Variants in HDAC9 observed in about 807,000 individuals in gnomAD.
HDAC9 encodes the protein MEF-2 interacting transcription repressor (MITR) protein.
HDAC9 carries 41 observed loss-of-function variants against 139.4 expected under a neutral mutation model. That is an observed-to-expected ratio of 0.29 (90% confidence interval 0.23 to 0.38). The LOEUF (loss-of-function observed/expected upper bound fraction) is 0.38. Ranked by LOEUF, HDAC9 falls within the 10% of genes least tolerant of loss-of-function variation. HDAC9 has a pLI of 1.00. For missense variants in HDAC9, 1,147 were observed against 1,297.0 expected, an observed-to-expected ratio of 0.88 and a Z score of 1.78; for synonymous variants, 517 against 476.2, an observed-to-expected ratio of 1.09 and a Z score of -1.12.
At chr7:18,555,303 C>T (rs143529423) in intron 2 of HDAC9, among the ~76,000 whole-genome samples, 1 of 152,104 alleles carries the variant, frequency 6.6e-6, no homozygotes, top group Non-Finnish European at 1.5e-5. Flanking sequence ...ATAGAAAAAG[C>T]CTGATACTCA....
intron 14 of HDAC9, among the ~76,000 whole-genome samples, chr7:18,759,201 G>A (rs1236474282): frequency 6.6e-6 from 1 of 152,068 alleles, no homozygotes; most frequent in South Asian, 2.1e-4. Context: ...CGATTCAGCA[G>A]GTTTCTTCTT....
chr7:18,909,219 A>G (rs114936877), intron 22 of HDAC9, among the ~76,000 whole-genome samples: 248 of 152,040 alleles, frequency 1.6e-3, no homozygotes, highest in African/African-American at 5.9e-3. Flanking sequence ...ATTCTGATCA[A>G]TTGTCCATTT....
At chr7:18,761,772 G>A (rs1203897941) in intron 14 of HDAC9, among the ~76,000 whole-genome samples, 2 of 152,180 alleles carry the variant, frequency 1.3e-5, no homozygotes, top group African/African-American at 4.8e-5. Context: ...AATAAAGAGT[G>A]TGTTCTAACA....
chr7:18,466,284 C>A (rs1160168392), intron 1 of HDAC9, among the ~76,000 whole-genome samples: 1 of 152,178 alleles, frequency 6.6e-6, no homozygotes, highest in Non-Finnish European at 1.5e-5. Flanking sequence ...GCAACCTCTG[C>A]CTCCCAGGCT....
chr7:18,187,850 C>A (rs1790035906), intron 2 of HDAC9, among the ~76,000 whole-genome samples: 1 of 152,146 alleles, frequency 6.6e-6, no homozygotes. Flanking sequence ...ATATTTTCAG[C>A]CTTCTTCAGT....
chr7:18,383,763 T>C (rs1171932181), intron 1 of HDAC9, among the ~76,000 whole-genome samples: 3 of 149,958 alleles, frequency 2.0e-5, no homozygotes, highest in African/African-American at 7.4e-5. Context: ...GTGGCGGGCG[T>C]CTGCAGTCCC....
chr7:18,439,539 C>T (rs770955351), intron 1 of HDAC9, among the ~76,000 whole-genome samples: 1 of 152,108 alleles, frequency 6.6e-6, no homozygotes, highest in Non-Finnish European at 1.5e-5. Context: ...CCCACCATCA[C>T]CTTCCCCGAT....
At chr7:18,594,168 A>T in intron 6 of HDAC9, 139 bp downstream of exon 6, 1 of 718,374 alleles carries the variant, frequency 1.4e-6, no homozygotes, top group South Asian at 1.8e-5. Context: ...AGCATAAGCA[A>T]ACAATGCACA....
At chr7:18,863,354 C>T (rs1006237454) in intron 21 of HDAC9, among the ~76,000 whole-genome samples, 3 of 152,190 alleles carry the variant, frequency 2.0e-5, no homozygotes, top group African/African-American at 7.2e-5. Context: ...CACATGGGGC[C>T]CAGGACGGCT....
At chr7:18,872,513 T>C (rs553456609) in intron 21 of HDAC9, among the ~76,000 whole-genome samples, 2 of 152,304 alleles carry the variant, frequency 1.3e-5, no homozygotes, top group African/African-American at 4.8e-5. Context: ...TTTTGACCAC[T>C]GATTCACGGT....
chr7:18,562,123 T>C (rs937040015), intron 2 of HDAC9, among the ~76,000 whole-genome samples: 5 of 152,198 alleles, frequency 3.3e-5, no homozygotes, highest in Non-Finnish European at 7.4e-5. Context: ...TGGCTATTTG[T>C]ATATCTTCTC....
rs1786332706 is a variant in HDAC9 at position 18,390,095 on chromosome 7, CGT to C, written c.-42+99581_-42+99582del. Among the ~76,000 whole-genome samples, 3 of 148,056 alleles carry C rather than the reference CGT, an allele frequency of 2.0e-5. No homozygotes were observed. The South Asian group carries it at 6.4e-4, about 32-fold the overall frequency. ...ACACACACACACACACACACACACA[CGT>C]CGTAGAGAAGGGAAGTAATGGGGGA... On this transcript the variant is annotated intron_variant, in intron 1 of 3. Transcript: ENST00000413509.
chr7:18,280,649 G>C (rs773092642), intron 2 of HDAC9, among the ~76,000 whole-genome samples: 19 of 151,566 alleles, frequency 1.3e-4, no homozygotes, highest in Non-Finnish European at 1.0e-4. Flanking sequence ...TATAGTCCCA[G>C]CTACTCAGGA....
chr7:18,680,502 G>C (rs996535549), intron 12 of HDAC9, among the ~76,000 whole-genome samples: 2 of 151,886 alleles, frequency 1.3e-5, no homozygotes, highest in Non-Finnish European at 2.9e-5. Context: ...AATTACCATG[G>C]ACTTTTAGAC....
chr7:18,888,316 TC>T (rs1232680307), intron 22 of HDAC9, among the ~76,000 whole-genome samples: 2 of 152,096 alleles, frequency 1.3e-5, no homozygotes, highest in Non-Finnish European at 2.9e-5. Context: ...TCCCAGCTAC[TC>T]GGGAGGCTGA....
At chr7:18,802,936 CTG>C (rs1369928771) in intron 17 of HDAC9, among the ~76,000 whole-genome samples, 17 of 151,792 alleles carry the variant, frequency 1.1e-4, no homozygotes, top group Non-Finnish European at 2.5e-4. Flanking sequence ...TCTAATATGA[CTG>C]TGTATTTTAA....
At chr7:18,985,138 A>C (rs1443315227) in intron 25 of HDAC9, among the ~76,000 whole-genome samples, 1 of 152,076 alleles carries the variant, frequency 6.6e-6, no homozygotes, top group African/African-American at 2.4e-5. Flanking sequence ...TTAGTTACAT[A>C]TGTATACATG....
intron 1 of HDAC9, among the ~76,000 whole-genome samples, chr7:18,125,440 TG>T (rs200164462): frequency 0.038 from 5,729 of 151,946 alleles, 374 homozygotes; most frequent in African/African-American, 0.13. Context: ...TGCGTGTGTG[TG>T]TGTGTGTGTG....
intron 1 of HDAC9, among the ~76,000 whole-genome samples, chr7:18,346,608 C>G (rs1413982276): frequency 6.6e-6 from 1 of 152,126 alleles, no homozygotes; most frequent in Non-Finnish European, 1.5e-5. Flanking sequence ...AAAAAATCAT[C>G]TGACCAGGAA....
Sources: gnomAD v4.1 joint callset for allele counts (sites outside exome capture counted in the v4.1 genomes callset) on GRCh38, gnomAD v4.1.1 for gene constraint, MANE v1.5 for transcripts, NCBI Gene and HGNC (gene_info 2026-07-23, HGNC 2026-07-21) for gene names.